The following ITGB4 variants were observed in gnomAD, a reference collection of about 807,000 sequenced individuals.
The protein encoded by ITGB4 is integrin beta-4.
ITGB4 carries 159 observed loss-of-function variants against 207.6 expected under a neutral mutation model. The observed-to-expected ratio is 0.77, with a 90% CI of 0.67 to 0.87. ITGB4 has a LOEUF of 0.87. Among genes scored for constraint, ITGB4 ranks in the 40% least tolerant of loss-of-function variants. The pLI, the probability that ITGB4 is intolerant of heterozygous loss-of-function variation, is 0.00. For synonymous variants in ITGB4, 1,020 were observed against 1,062.7 expected (o/e 0.96, Z 0.78); for missense variants, 2,278 against 2,546.8 (o/e 0.89, Z 2.27).
Position 75,732,018 on chromosome 17 carries a change from C to T in ITGB4, c.1377+45C>T. 1 of 1,613,280 alleles carries T rather than the reference C, an allele frequency of 6.2e-7. No homozygotes were observed. Among genetic ancestry groups the T allele is most frequent in the Non-Finnish European group, 8.5e-7 (1 of 1,179,552 alleles). On this transcript the variant is annotated intron_variant, in intron 11 of 39. Coordinates refer to ENST00000200181, the MANE Select transcript of ITGB4 (RefSeq NM_000213.5). The surrounding 1 kb of genome is among the most constrained non-coding windows in gnomAD (Gnocchi z 5.3). ...GGCGGGAGGGGAGAGCTGAGCCAAG[C>T]ACCCAGGGACCCTGAGGAATGAAGC... is the stretch of plus-strand genomic sequence containing the variant.
rs1309207880 is a variant in ITGB4, at chr17:75,727,726, G to A, written c.340G>A (p.Glu114Lys). 1 of 1,613,832 alleles carries A rather than the reference G, an allele frequency of 6.2e-7. No homozygotes were observed. Among genetic ancestry groups the A allele is most frequent in the South Asian group, 1.1e-5 (1 of 91,022 alleles). Residue 114 changes from glutamate (E) to lysine (K), a missense_variant, in exon 5 of 40, where the codon GAG becomes AAG. Physicochemically the swap from Glu to Lys is moderately conservative, Grantham distance 56. Coordinates refer to ENST00000200181, the MANE Select transcript of ITGB4 (RefSeq NM_000213.5). This position sits in a 1 kb window ranked among gnomAD's most constrained non-coding sequence, Gnocchi z 6.0. The stretch of plus-strand genomic sequence containing the variant: ...CCTGCGGGTCCGTCTGCGGCCCGGT[G>A]AGGAGCGGCATTTTGAGCTGGAGGT... ...QGLRVRLRPG[E>K]ERHFELEVFE...
intron 26 of ITGB4, among the ~76,000 whole-genome samples, chr17:75,747,686 G>A (rs537092896): frequency 1.3e-5 from 2 of 152,236 alleles, no homozygotes; most frequent in East Asian, 1.9e-4. Flanking sequence ...GTTAAGACAA[G>A]GTCTCGCTCT....
In ITGB4 at chr17:75,730,949, G is replaced by A. The variant is rs771078654; in HGVS notation, c.1077G>A (p.Leu359=). Residue 359 remains leucine, a synonymous_variant, in exon 9 of 40, where the codon CTG becomes CTA. Coordinates refer to ENST00000200181, the MANE Select transcript of ITGB4 (RefSeq NM_000213.5). ...ACTCGTCCAACATCGTGGAGCTGCT[G>A]GAGGAGGCCTTCAATGTGAGGGCAG... ...QEDSSNIVEL[L]EEAFNRIRSN... 1 of 1,613,650 alleles carries A rather than the reference G, an allele frequency of 6.2e-7. No homozygotes were observed. The highest frequency in any genetic ancestry group is 8.5e-7 in the Non-Finnish European group (1 of 1,179,794).
rs1192767025 is a variant in ITGB4 at position 75,757,437 on chromosome 17, A to C, written c.5351A>C (p.Gln1784Pro). ...ACAGATGGGCTGACCCTGGGGGCCC[A>C]GCACCTGGAGGCAGGCGGCTCCCTC... Reference protein sequence around the residue: ...FLVDGLTLGAQHLEAGGSLTR... With the variant: ...FLVDGLTLGAPHLEAGGSLTR... The change falls in exon 40 of 40, where the codon CAG becomes CCG. Residue 1784 changes from glutamine to proline, a missense_variant. By Grantham distance (76) the Gln-to-Pro change is moderately conservative. Transcript: ENST00000200181. 8.7e-6 allele frequency: 14 copies of C among 1,613,114 alleles called. No homozygotes were observed. The highest frequency in any genetic ancestry group is 1.2e-5 in the Non-Finnish European group (14 of 1,180,006).
rs2061341047 is a variant in ITGB4, at chr17:75,750,374, A to G, written c.3474+106A>G. The G allele has an allele frequency of 8.3e-7, 1 of 1,200,444 alleles. No homozygotes were observed. Among genetic ancestry groups the G allele is most frequent in the Admixed American group, 2.5e-5 (1 of 40,730 alleles). The allele number at this position is 1,200,444 out of a possible 1,614,324, so 74.4% of individuals were successfully genotyped here. ...GCCAGGGCCCCCTGAGAGAGAGCAG[A>G]CAGTGGAACCTAGCACAGGTGGTCA... On this transcript the variant is annotated intron_variant, in intron 28 of 39. Coordinates refer to ENST00000200181, the MANE Select transcript of ITGB4 (RefSeq NM_000213.5). The surrounding 1 kb of genome is among the most constrained non-coding windows in gnomAD (Gnocchi z 5.5).
Position 75,740,297 on chromosome 17 carries a change from G to C in ITGB4, c.2447-61G>C. On this transcript the variant is annotated intron_variant, in intron 20 of 39. Coordinates refer to ENST00000200181, the MANE Select transcript of ITGB4 (RefSeq NM_000213.5). This position sits in a 1 kb window ranked among gnomAD's most constrained non-coding sequence, Gnocchi z 5.9. ...ATGGTTGCTGGAGGGATGCTCTGTG[G>C]TGCCTGTCATGCAGGGGGCTGACCA... The C allele has an allele frequency of 1.4e-6, 2 of 1,450,966 alleles. No individual in the cohort carries two copies. Among genetic ancestry groups the C allele is most frequent in the East Asian group, 2.3e-5 (1 of 43,796 alleles). 89.9% of individuals were successfully genotyped at this position (1,450,966 alleles called of 1,614,324 possible).
In ITGB4 at chr17:75,727,178, C is replaced by T. The variant is rs1167341005; in HGVS notation, c.80-17C>T. ...CTGAGCGCCTCCCCATTCATGTGCC[C>T]ACATCTGTCCCCCCAGCAAACCGCT... On this transcript the variant is annotated splice_polypyrimidine_tract_variant and intron_variant, in intron 2 of 39. Transcript: ENST00000200181. This position sits in a 1 kb window ranked among gnomAD's most constrained non-coding sequence, Gnocchi z 6.0. 6.2e-7 allele frequency: 1 copy of T among 1,612,766 alleles called. No homozygotes were observed. Among genetic ancestry groups the T allele is most frequent in the African/African-American group, 1.3e-5 (1 of 74,980 alleles).
chr17:75,727,243 G>C lies in ITGB4; in HGVS notation c.128G>C (p.Arg43Pro), dbSNP rs778748791. 2 of 1,613,912 alleles carry C rather than the reference G, an allele frequency of 1.2e-6. No homozygotes were observed. The highest frequency in any genetic ancestry group is 1.7e-6 in the Non-Finnish European group (2 of 1,179,968). ...GTGAAGAGCTGCACGGAGTGTGTCC[G>C]TGTGGATAAGGACTGCGCCTACTGC... ...APVKSCTECV[R>P]VDKDCAYCTD... Residue 43 changes from arginine (R) to proline (P), a missense_variant, in exon 3 of 40, where the codon CGT becomes CCT. Transcript: ENST00000200181. The surrounding 1 kb of genome is among the most constrained non-coding windows in gnomAD (Gnocchi z 6.0).
At chr17:75,743,593 C>T in intron 25 of ITGB4, 120 bp from the exon 26 acceptor site, 2 of 1,351,462 alleles carry the variant, frequency 1.5e-6, no homozygotes, top group Non-Finnish European at 2.1e-6. Flanking sequence ...GAGGGCAATG[C>T]ATAGAGGGAA....
Position 75,752,202 on chromosome 17 carries a change from G to A in ITGB4, c.3822G>A (p.Leu1274=). 1 of 1,613,976 alleles carries A rather than the reference G, an allele frequency of 6.2e-7. No homozygotes were observed. The highest frequency in any genetic ancestry group is 8.5e-7 in the Non-Finnish European group (1 of 1,180,018). The change falls in exon 31 of 40, where the codon CTG becomes CTA. Residue 1274 remains leucine (L), a synonymous_variant. Transcript: ENST00000200181. ...NRPIGPMKKV[L]VDNPKNRMLL... ...CTATTGGGCCCATGAAGAAAGTGCT[G>A]GTTGACAACCCTAAGAACCGGATGC...
chr17:75,734,030 G>A (rs2060920852), intron 13 of ITGB4, among the ~76,000 whole-genome samples: 1 of 151,466 alleles, frequency 6.6e-6, no homozygotes, highest in Admixed American at 6.6e-5. Context: ...GTGCCACCCA[G>A]CTCAGCCCTC....
chr17:75,756,736 C>G lies in ITGB4; in HGVS notation c.4930C>G (p.Pro1644Ala). 6.2e-7 allele frequency: 1 copy of G among 1,613,232 alleles called. No individual in the cohort carries two copies. The highest frequency in any genetic ancestry group is 1.1e-5 in the South Asian group (1 of 91,078). ...SAFTLSTPSA[P>A]GPLVFTALSP... ...CTTCACTTTGAGCACTCCCAGTGCC[C>G]CAGGCCCGCTGGTGTTCACTGCCCT... The change falls in exon 37 of 40, where the codon CCA (proline) becomes GCA (alanine). Residue 1644 changes from proline to alanine, a missense_variant. Coordinates refer to ENST00000200181, the MANE Select transcript of ITGB4 (RefSeq NM_000213.5).
At position 75,755,850 on chromosome 17, in the gene ITGB4, G is replaced by C; in HGVS notation, c.4708G>C (p.Gly1570Arg). 1.2e-6 allele frequency: 2 copies of C among 1,601,994 alleles called. No homozygotes were observed. Among genetic ancestry groups the C allele is most frequent in the Non-Finnish European group, 1.7e-6 (2 of 1,179,514 alleles). Residue 1570 changes from glycine (G) to arginine (R), a missense_variant and splice_region_variant, in exon 35 of 40, where the codon GGT (glycine) becomes CGT (arginine). Coordinates refer to ENST00000200181, the MANE Select transcript of ITGB4 (RefSeq NM_000213.5). ...TGTGGAGTACCAGCTGCTGAACGGC[G>C]GTGAGGCATGGTGGCTGCCAGGCTG... The part of the protein sequence containing the change: ...YSVEYQLLNG[G>R]ELHRLNIPNP...
At position 75,736,062 on chromosome 17, in the gene ITGB4, T is replaced by G. The variant is rs759552445; in HGVS notation, c.1669T>G (p.Cys557Gly). The change falls in exon 14 of 40, where the codon TGC becomes GGC. Residue 557 changes from cysteine to glycine, a missense_variant. Physicochemically the swap from Cys to Gly is radical, Grantham distance 159. Coordinates refer to ENST00000200181, the MANE Select transcript of ITGB4 (RefSeq NM_000213.5). ...GTCCCTCTCTGCAGACCGAGGACGC[T>G]GCTCCATGGGCCAGTGTGTGTGTGA... ...SGFLCNDRGR[C>G]SMGQCVCEPG... The G allele has an allele frequency of 5.6e-6, 9 of 1,614,096 alleles. No homozygotes were observed. The highest frequency in any genetic ancestry group is 6.8e-6 in the Non-Finnish European group (8 of 1,180,018).
intron 34 of ITGB4, chr17:75,755,085 G>A: frequency 5.6e-6 from 9 of 1,601,058 alleles, no homozygotes; most frequent in Non-Finnish European, 7.7e-6. Context: ...CACGGGAGGA[G>A]CAGGCTTCCG....
At chr17:75,748,787 A>G in intron 26 of ITGB4, 54 bp from the exon 27 acceptor site, 2 of 1,384,854 alleles carry the variant, frequency 1.4e-6, no homozygotes, top group Admixed American at 1.9e-5. Flanking sequence ...TGTGGCCATG[A>G]CTCTTGCCTC....
chr17:75,727,249 A>G lies in ITGB4; in HGVS notation c.134A>G (p.Asp45Gly), dbSNP rs1254788907. Residue 45 changes from aspartate (D) to glycine (G), a missense_variant, in exon 3 of 40, where the codon GAT becomes GGT. Physicochemically the swap from Asp to Gly is moderately conservative, Grantham distance 94. Coordinates refer to ENST00000200181, the MANE Select transcript of ITGB4 (RefSeq NM_000213.5). The surrounding 1 kb of genome is among the most constrained non-coding windows in gnomAD (Gnocchi z 6.0). ...VKSCTECVRV[D>G]KDCAYCTDEM... Reference sequence around the variant, plus strand: ...AGCTGCACGGAGTGTGTCCGTGTGGATAAGGACTGCGCCTACTGCACAGAC... The same window carrying G: ...AGCTGCACGGAGTGTGTCCGTGTGGGTAAGGACTGCGCCTACTGCACAGAC... 2 of 1,613,936 alleles carry G rather than the reference A, an allele frequency of 1.2e-6. No individual in the cohort carries two copies. The highest frequency in any genetic ancestry group is 1.7e-6 in the Non-Finnish European group (2 of 1,180,000).
intron 1 of ITGB4, among the ~76,000 whole-genome samples, 174 bp from the exon 2 acceptor site, chr17:75,724,520 G>T (rs1309253254): frequency 2.0e-5 from 3 of 152,284 alleles, no homozygotes; most frequent in Admixed American, 6.5e-5. Flanking sequence ...ACGGAACAGG[G>T]CAGCGGAAAA....
rs201686139 is a variant in ITGB4, at chr17:75,754,957, C to CAT, written c.4558+143_4558+144insTA. On this transcript the variant is annotated intron_variant, in intron 34 of 39. Transcript: ENST00000200181. Reference sequence around the variant, plus strand: ...ATGCACACATGCACGCACACACGTGCACACGCATGCACACATGTACACAGA... The same window carrying CAT: ...ATGCACACATGCACGCACACACGTGCATACACGCATGCACACATGTACACAGA... 0.038 allele frequency: 54,801 copies of CAT among 1,451,966 alleles called. 1,310 individuals carry two copies. The highest frequency in any genetic ancestry group is 0.044 in the South Asian group (3,767 of 85,964). The allele number at this position is 1,451,966 out of a possible 1,614,324, so 89.9% of individuals were successfully genotyped here.
Sources: allele counts gnomAD v4.1 joint callset (sites outside exome capture counted in the v4.1 genomes callset), GRCh38; gene constraint gnomAD v4.1.1; non-coding constraint Gnocchi (gnomAD v3.1); transcripts MANE v1.5; gene names NCBI Gene and HGNC (gene_info 2026-07-23, HGNC 2026-07-21).